Variants in MGST2 observed in about 807,000 individuals in gnomAD.
MGST2 encodes the protein glutathione peroxidase MGST2.
A neutral mutation model predicts 16.6 loss-of-function variants in MGST2; 9 were observed. The ratio of observed to expected loss-of-function variants is 0.54; its 90% confidence interval spans 0.33 to 0.95. The LOEUF (loss-of-function observed/expected upper bound fraction) is 0.95, where lower values mean the gene tolerates loss of function less well. Among genes scored for constraint, MGST2 ranks in the 40% least tolerant of loss-of-function variants. MGST2 has a pLI of 0.03. For missense variants in MGST2, 159 were observed against 175.1 expected (o/e 0.91, Z 0.52); for synonymous variants, 79 against 68.0 (o/e 1.16, Z -0.79).
chr4:139,668,638 A>G (rs1730504045), intron 1 of MGST2, among the ~76,000 whole-genome samples: 1 of 148,042 alleles, frequency 6.8e-6, no homozygotes, highest in African/African-American at 2.5e-5. Flanking sequence ...GTAGAGGGGG[A>G]GAGGGAGAGA....
intron 2 of MGST2, among the ~76,000 whole-genome samples, chr4:139,690,139 G>C (rs571938313): frequency 6.6e-6 from 1 of 151,952 alleles, no homozygotes; most frequent in Non-Finnish European, 1.5e-5. Context: ...CTACAGGCAC[G>C]CACCACCATG....
the MGST2 span, among the ~76,000 whole-genome samples, chr4:139,748,270 C>T: frequency 6.6e-6 from 1 of 152,082 alleles, no homozygotes; most frequent in Admixed American, 6.5e-5. Context: ...AGAGAAGACA[C>T]TCCCTAGGCT....
At chr4:139,727,392 CATATA>C (rs1249647792) in intron 5 of MGST2, among the ~76,000 whole-genome samples, 2 of 152,334 alleles carry the variant, frequency 1.3e-5, no homozygotes, top group African/African-American at 4.8e-5. Flanking sequence ...TCAAACTTCC[CATATA>C]ATATAAGAAT....
chr4:139,666,381 C>T (rs975300937), intron 1 of MGST2, among the ~76,000 whole-genome samples: 2 of 151,950 alleles, frequency 1.3e-5, no homozygotes, highest in African/African-American at 2.4e-5. Flanking sequence ...GACCCACAGC[C>T]CGTTCAAACG....
chr4:139,714,806 C>CT (rs1727878959), intron 5 of MGST2, among the ~76,000 whole-genome samples: 1 of 152,088 alleles, frequency 6.6e-6, no homozygotes, highest in African/African-American at 2.4e-5. Flanking sequence ...TGCAGCGACA[C>CT]TAAAAAGTTC....
chr4:139,747,097 G>C, the MGST2 span, among the ~76,000 whole-genome samples: 1 of 152,328 alleles, frequency 6.6e-6, no homozygotes, highest in South Asian at 2.1e-4. Context: ...AAAGCAAAGG[G>C]GTTGAGGATG....
the MGST2 span, among the ~76,000 whole-genome samples, chr4:139,746,082 T>C: frequency 6.6e-6 from 1 of 152,220 alleles, no homozygotes; most frequent in African/African-American, 2.4e-5. Flanking sequence ...GTAGACTTCA[T>C]AACAAATGTG....
intron 2 of MGST2, among the ~76,000 whole-genome samples, chr4:139,680,688 G>C (rs545107466): frequency 1.3e-5 from 2 of 152,264 alleles, no homozygotes; most frequent in Admixed American, 1.3e-4. Context: ...AAAGTTTTGA[G>C]ACTTCACATA....
At chr4:139,745,254 G>A (rs893804351), downstream of MGST2, among the ~76,000 whole-genome samples, 7 of 151,860 alleles carry the variant, frequency 4.6e-5, no homozygotes, top group African/African-American at 1.7e-4. Flanking sequence ...GGACAGATCT[G>A]CATGCAGGCA....
At chr4:139,753,647 C>T in the MGST2 span, among the ~76,000 whole-genome samples, 2 of 152,244 alleles carry the variant, frequency 1.3e-5, no homozygotes, top group South Asian at 4.2e-4. Flanking sequence ...TGCTCCTTCC[C>T]TACATACATC....
chr4:139,743,356 C>A (rs918110386), downstream of MGST2, among the ~76,000 whole-genome samples: 4 of 152,212 alleles, frequency 2.6e-5, no homozygotes, highest in Non-Finnish European at 5.9e-5. Context: ...CACTAGGGAT[C>A]CTGTTTCTGG....
the MGST2 span, among the ~76,000 whole-genome samples, chr4:139,749,922 T>C: frequency 7.3e-6 from 1 of 137,564 alleles, no homozygotes; most frequent in East Asian, 2.3e-4. Flanking sequence ...GTGGAATTCA[T>C]GTTATTTGAA....
the MGST2 span, among the ~76,000 whole-genome samples, chr4:139,753,350 A>ATCTG: frequency 2.0e-5 from 3 of 149,684 alleles, no homozygotes; most frequent in African/African-American, 5.0e-5. Flanking sequence ...TAATCTATCT[A>ATCTG]TCTATCTATC....
At chr4:139,677,293 C>A (rs956565843) in intron 1 of MGST2, among the ~76,000 whole-genome samples, 1 of 152,186 alleles carries the variant, frequency 6.6e-6, no homozygotes, top group Non-Finnish European at 1.5e-5. Context: ...CCAAGATGGT[C>A]AGGGTACAAC....
At chr4:139,678,747 T>C (rs886913836) in intron 2 of MGST2, 105 bp downstream of exon 2, 2 of 874,372 alleles carry the variant, frequency 2.3e-6, no homozygotes, top group Non-Finnish European at 3.8e-6. Flanking sequence ...TCATGTGCAA[T>C]ATCTAGTTAT....
chr4:139,725,576 A>G (rs1165101544), intron 5 of MGST2, among the ~76,000 whole-genome samples: 2 of 152,184 alleles, frequency 1.3e-5, no homozygotes, highest in Non-Finnish European at 2.9e-5. Context: ...CTGGCACAAC[A>G]GGAGGCCTCT....
At chr4:139,752,612 C>A in the MGST2 span, among the ~76,000 whole-genome samples, 1 of 152,118 alleles carries the variant, frequency 6.6e-6, no homozygotes, top group South Asian at 2.1e-4. Flanking sequence ...AGGCTTGGCA[C>A]AAATACATTC....
chr4:139,681,417 C>T (rs937372446), intron 2 of MGST2, among the ~76,000 whole-genome samples: 3 of 152,098 alleles, frequency 2.0e-5, no homozygotes, highest in African/African-American at 7.2e-5. Flanking sequence ...TGTTAACCTC[C>T]AGGACTGATC....
the MGST2 span, among the ~76,000 whole-genome samples, chr4:139,751,129 T>C: frequency 6.6e-6 from 1 of 152,202 alleles, no homozygotes; most frequent in Non-Finnish European, 1.5e-5. Flanking sequence ...CATAGGTATT[T>C]TCCAAATAAC....
Sources: gnomAD v4.1 joint callset for allele counts (sites outside exome capture counted in the v4.1 genomes callset) on GRCh38, gnomAD v4.1.1 for gene constraint, MANE v1.5 for transcripts, NCBI Gene and HGNC (gene_info 2026-07-23, HGNC 2026-07-21) for gene names.